The following ATP10B variants were observed in gnomAD, a reference collection of about 807,000 sequenced individuals.
ATP10B encodes the protein phospholipid-transporting ATPase VB.
Under a neutral mutation model 141.2 loss-of-function variants are expected in ATP10B, and 122 were observed. The observed-to-expected ratio is 0.86, with a 90% CI of 0.75 to 1.00. The LOEUF (loss-of-function observed/expected upper bound fraction) is 1.00, where lower values mean the gene tolerates loss of function less well. Among genes scored for constraint, ATP10B ranks in the 50% least tolerant of loss-of-function variants. The pLI is 0.00. For missense variants in ATP10B, 1,876 were observed against 1,825.3 expected (o/e 1.03, Z -0.51); for synonymous variants, 685 against 692.0 (o/e 0.99, Z 0.16).
chr5:160,682,106 A>C (rs1763439434), intron 6 of ATP10B, among the ~76,000 whole-genome samples: 1 of 152,242 alleles, frequency 6.6e-6, no homozygotes, highest in South Asian at 2.1e-4. Context: ...CCCTGTAGCC[A>C]ATTATTTTTG....
chr5:160,599,900 T>G (rs1408840712), intron 21 of ATP10B, among the ~76,000 whole-genome samples: 1 of 152,202 alleles, frequency 6.6e-6, no homozygotes, highest in Non-Finnish European at 1.5e-5. Flanking sequence ...CACAGAGATG[T>G]GAAGGGTCTT....
chr5:160,604,175 T>A lies in ATP10B; in HGVS notation c.3161-134A>T. 4.4e-6 allele frequency: 3 copies of A among 678,060 alleles called. No individual in the cohort carries two copies. In the Admixed American group the frequency reaches 6.4e-5, roughly 15 times the overall value. 42.0% of individuals were successfully genotyped at this position (678,060 alleles called of 1,614,324 possible). A position where few individuals can be genotyped will look rare whatever the true frequency, so the allele number is the denominator to read the frequency against. On this transcript the variant is annotated intron_variant, in intron 19 of 25. Coordinates refer to ENST00000327245, the MANE Select transcript of ATP10B (RefSeq NM_025153.3). ...CTCTAGTGCTATAGAAAGTCATTGC[T>A]ATAGTGCTTAGCTTGAGAGATGTCA...
At chr5:160,783,006 G>A (rs1770833076) in intron 2 of ATP10B, among the ~76,000 whole-genome samples, 2 of 151,956 alleles carry the variant, frequency 1.3e-5, no homozygotes, top group Non-Finnish European at 2.9e-5. Context: ...GCCTCCTCCA[G>A]GAGAACTTTT....
At chr5:160,804,810 G>A (rs1003907134) in intron 1 of ATP10B, among the ~76,000 whole-genome samples, 1 of 152,148 alleles carries the variant, frequency 6.6e-6, no homozygotes, top group Non-Finnish European at 1.5e-5. Flanking sequence ...ATAAAAAACA[G>A]TAGCACCTCA....
chr5:160,682,771 G>A (rs984571520), intron 6 of ATP10B, among the ~76,000 whole-genome samples: 29 of 152,090 alleles, frequency 1.9e-4, no homozygotes. Flanking sequence ...CGGGCGCGGT[G>A]GCTCACGCCT....
chr5:160,774,272 G>T (rs1339218482), intron 2 of ATP10B, among the ~76,000 whole-genome samples: 1 of 152,204 alleles, frequency 6.6e-6, no homozygotes, highest in East Asian at 1.9e-4. Context: ...TCCACAGGTT[G>T]TACTGGCTGT....
chr5:160,905,041 A>C, the ATP10B span, among the ~76,000 whole-genome samples: 1 of 152,248 alleles, frequency 6.6e-6, no homozygotes, highest in African/African-American at 2.4e-5. Context: ...GAAAGATTAT[A>C]GCTAGCAGTT....
chr5:160,824,333 A>T (rs1774409759), intron 1 of ATP10B, among the ~76,000 whole-genome samples: 1 of 152,106 alleles, frequency 6.6e-6, no homozygotes, highest in Admixed American at 6.5e-5. Context: ...TTTCATTTTT[A>T]TAAAATTGTT....
the ATP10B span, among the ~76,000 whole-genome samples, chr5:160,915,934 T>C: frequency 6.6e-6 from 1 of 152,170 alleles, no homozygotes; most frequent in African/African-American, 2.4e-5. Context: ...ACTGTAAAAA[T>C]CACACAGCAC....
intron 24 of ATP10B, among the ~76,000 whole-genome samples, chr5:160,581,194 T>C (rs529253186): frequency 6.6e-6 from 1 of 152,314 alleles, no homozygotes; most frequent in South Asian, 2.1e-4. Context: ...TCTGCTAGCT[T>C]TTGAATTTGT....
chr5:160,568,838 T>C (rs774198069), intron 25 of ATP10B, among the ~76,000 whole-genome samples: 1 of 152,264 alleles, frequency 6.6e-6, no homozygotes, highest in African/African-American at 2.4e-5. Context: ...GCTATTTTTC[T>C]GGAAAAGGCA....
At chr5:160,750,946 T>G (rs1768112120) in intron 2 of ATP10B, among the ~76,000 whole-genome samples, 1 of 152,204 alleles carries the variant, frequency 6.6e-6, no homozygotes, top group African/African-American at 2.4e-5. Flanking sequence ...TTTCTTTAGA[T>G]TCTAGCATAG....
In ATP10B at chr5:160,640,502, CAGA is replaced by C. The variant is rs1759759971; in HGVS notation, c.956_958del (p.Phe319del). On this transcript the variant is annotated inframe_deletion, in exon 10 of 26. Transcript: ENST00000327245. Reference sequence around the variant, plus strand: ...GCACATGAGGATGAGGATCCCAATGCAGAAGAAGATGTCTATATTCATGCGCCG... The same window carrying C: ...GCACATGAGGATGAGGATCCCAATGCAGAAGATGTCTATATTCATGCGCCG... 6.2e-6 allele frequency: 10 copies of C among 1,614,138 alleles called. No individual in the cohort carries two copies. The highest frequency in any genetic ancestry group is 2.2e-5 in the South Asian group (2 of 91,078).
chr5:160,573,030 A>G (rs557835572), intron 24 of ATP10B, among the ~76,000 whole-genome samples: 4 of 152,306 alleles, frequency 2.6e-5, no homozygotes, highest in African/African-American at 9.6e-5. Flanking sequence ...GCTTTATCAT[A>G]TATGTATCCT....
chr5:160,923,590 A>G, the ATP10B span, among the ~76,000 whole-genome samples: 1 of 152,222 alleles, frequency 6.6e-6, no homozygotes, highest in African/African-American at 2.4e-5. Flanking sequence ...TCACACAGAC[A>G]TTAAAGAGGA....
Position 160,634,626 on chromosome 5 carries a change from T to C in ATP10B, c.1129-20A>G, listed in dbSNP as rs1399237577. On this transcript the variant is annotated intron_variant, in intron 11 of 25. Transcript: ENST00000327245. ...CAGCACCTGAAAAGAGATGAGTTTCTACCATTCAGAAACCAGGCAGGTTCC... is the reference window on the plus strand; with the variant it reads ...CAGCACCTGAAAAGAGATGAGTTTCCACCATTCAGAAACCAGGCAGGTTCC... The C allele has an allele frequency of 6.3e-7, 1 of 1,580,284 alleles. No homozygotes were observed. Among genetic ancestry groups the C allele is most frequent in the South Asian group, 1.2e-5 (1 of 84,360 alleles).
intron 1 of ATP10B, among the ~76,000 whole-genome samples, chr5:160,841,350 G>A (rs1193671628): frequency 1.3e-5 from 2 of 152,190 alleles, no homozygotes; most frequent in East Asian, 3.9e-4. Context: ...AAAGAAAGAA[G>A]GAGAAGTAAG....
Position 160,798,152 on chromosome 5 carries a change from T to G in ATP10B, c.-575-12349A>C, listed in dbSNP as rs372163847. On this transcript the variant is annotated intron_variant, in intron 1 of 25. Transcript: ENST00000327245. ...GGGTGCATTTCTAGACAGAGAGGAC[T>G]TGGAAGTTCAAAGGGACTAAGGTGG... Among the ~76,000 whole-genome samples, 7 of 152,074 alleles carry G rather than the reference T, an allele frequency of 4.6e-5. No individual in the cohort carries two copies. In the South Asian group the frequency reaches 1.5e-3, roughly 32 times the overall value.
chr5:160,791,703 G>T (rs1462291676), intron 1 of ATP10B, among the ~76,000 whole-genome samples: 1 of 152,186 alleles, frequency 6.6e-6, no homozygotes, highest in East Asian at 1.9e-4. Flanking sequence ...CTTCTCAGTA[G>T]CTGTTTATGA....
Sources: gnomAD v4.1 joint callset for allele counts (sites outside exome capture counted in the v4.1 genomes callset) on GRCh38, gnomAD v4.1.1 for gene constraint, MANE v1.5 for transcripts, NCBI Gene and HGNC (gene_info 2026-07-23, HGNC 2026-07-21) for gene names.